The following PALLD variants were observed in gnomAD, a reference collection of about 807,000 sequenced individuals.
The protein encoded by PALLD is palladin, cytoskeletal associated protein, also known as palladin.
PALLD carries 61 observed loss-of-function variants against 123.5 expected under a neutral mutation model. The ratio of observed to expected loss-of-function variants is 0.49; its 90% CI spans 0.40 to 0.61. The LOEUF is 0.61. Ranked by LOEUF, PALLD falls within the 20% of genes least tolerant of loss-of-function variation. The pLI is 0.00. For synonymous variants in PALLD, 465 were observed against 496.4 expected, an observed-to-expected ratio of 0.94 and a Z score of 0.84; for missense variants, 1,273 against 1,377.0, an observed-to-expected ratio of 0.92 and a Z score of 1.20.
chr4:168,627,549 A>G (rs1447516145), intron 2 of PALLD, among the ~76,000 whole-genome samples: 1 of 152,148 alleles, frequency 6.6e-6, no homozygotes, highest in African/African-American at 2.4e-5. Context: ...GATAGACCAA[A>G]TACCTAAATA....
At chr4:168,587,960 A>G (rs1258022037) in intron 2 of PALLD, among the ~76,000 whole-genome samples, 2 of 152,092 alleles carry the variant, frequency 1.3e-5, no homozygotes, top group Admixed American at 1.3e-4. Flanking sequence ...GCGTGTCACA[A>G]GAAGGGAGTC....
At chr4:168,906,010 T>C (rs1757724125) in intron 15 of PALLD, among the ~76,000 whole-genome samples, 1 of 152,048 alleles carries the variant, frequency 6.6e-6, no homozygotes, top group Non-Finnish European at 1.5e-5. Flanking sequence ...TTTTCCTTAT[T>C]ATATTTTCAG....
At chr4:168,791,966 G>C (rs998598854) in intron 10 of PALLD, among the ~76,000 whole-genome samples, 5 of 152,184 alleles carry the variant, frequency 3.3e-5, no homozygotes, top group Middle Eastern at 3.4e-3. Flanking sequence ...TTTAAAGGAG[G>C]AACTATTCAA....
At chr4:168,778,357 C>CTTGTGG (rs1212580200) in intron 10 of PALLD, among the ~76,000 whole-genome samples, 1 of 152,118 alleles carries the variant, frequency 6.6e-6, no homozygotes, top group Non-Finnish European at 1.5e-5. Flanking sequence ...GTTAATAATA[C>CTTGTGG]TTGTGGTTTA....
intron 2 of PALLD, among the ~76,000 whole-genome samples, chr4:168,588,529 G>A (rs569118699): frequency 6.6e-5 from 10 of 152,062 alleles, no homozygotes; most frequent in African/African-American, 2.2e-4. Flanking sequence ...AGCCTCCTGA[G>A]TACCTGGGAT....
Position 168,924,253 on chromosome 4 carries a change from A to G in PALLD, c.3059-2A>G. 2 of 1,613,280 alleles carry G rather than the reference A, an allele frequency of 1.2e-6. No individual in the cohort carries two copies. Among genetic ancestry groups the G allele is most frequent in the Non-Finnish European group, 1.7e-6 (2 of 1,179,286 alleles). On this transcript the variant is annotated splice_acceptor_variant, in intron 18 of 21. Coordinates refer to ENST00000505667, the MANE Select transcript of PALLD (RefSeq NM_001166108.2). LOFTEE classifies it high-confidence loss of function. ...TAGAGAATTCATCTCATGTTTTCTT[A>G]GCTAAAGAAGCACACAAACCCCCTG...
chr4:168,832,468 C>T (rs1003111196), intron 10 of PALLD, among the ~76,000 whole-genome samples: 1 of 152,190 alleles, frequency 6.6e-6, no homozygotes, highest in African/African-American at 2.4e-5. Flanking sequence ...CGATCCCTCC[C>T]GCTCTCCTAA....
In PALLD at chr4:168,512,263, CA is replaced by C; in HGVS notation, c.761del (p.Asn254ThrfsTer24). The C allele has an allele frequency of 6.2e-7, 1 of 1,614,162 alleles. No individual in the cohort carries two copies. Among genetic ancestry groups the C allele is most frequent in the East Asian group, 2.2e-5 (1 of 44,868 alleles). On this transcript the variant is annotated frameshift_variant, in exon 2 of 22. Coordinates refer to ENST00000505667, the MANE Select transcript of PALLD (RefSeq NM_001166108.2). LOFTEE classifies it high-confidence loss of function. ...ACAACCAGGACTTGGCAGTGCCACA[CA>C]ACCGCAAGTCTCACCCACAGCCCCA... ...QDNQDLAVPH[N>X]RKSHPQPHSA...
At chr4:168,853,627 G>A (rs1581769830) in intron 10 of PALLD, among the ~76,000 whole-genome samples, 1 of 152,092 alleles carries the variant, frequency 6.6e-6, no homozygotes. Flanking sequence ...GCAGTCAGGA[G>A]GAATCGCACA....
In PALLD at chr4:168,507,394, T is replaced by C. The variant is rs1302254983; in HGVS notation, c.-82-4029T>C. On this transcript the variant is annotated intron_variant, in intron 1 of 21. Coordinates refer to ENST00000505667, the MANE Select transcript of PALLD (RefSeq NM_001166108.2). ...CAGAGTCCAAGAAGGACACATCTAA[T>C]CGCTGTCTAGGCCAAGTGCCAAGAC... The C allele has an allele frequency of 6.0e-5, 11 of 182,552 alleles. No individual in the cohort carries two copies. The East Asian group carries it at 9.7e-4, about 16-fold the overall frequency. The allele number at this position is 182,552 out of a possible 1,614,324, so 11.3% of individuals were successfully genotyped here. A position where few individuals can be genotyped will look rare whatever the true frequency, so the allele number is the denominator to read the frequency against.
chr4:168,500,280 C>A (rs1231312287), intron 1 of PALLD, among the ~76,000 whole-genome samples: 3 of 152,288 alleles, frequency 2.0e-5, no homozygotes, highest in African/African-American at 4.8e-5. Context: ...CCAAGTTCCT[C>A]CACGTCAAAG....
chr4:168,568,642 G>C (rs984235929), intron 2 of PALLD, among the ~76,000 whole-genome samples: 3 of 151,794 alleles, frequency 2.0e-5, no homozygotes, highest in Non-Finnish European at 4.4e-5. Flanking sequence ...TTTAGTGATG[G>C]GGTTTGTGTA....
chr4:168,891,607 TA>T (rs1754157320), intron 11 of PALLD, among the ~76,000 whole-genome samples: 2 of 147,574 alleles, frequency 1.4e-5, no homozygotes, highest in Admixed American at 1.4e-4. Flanking sequence ...GTGAAGAGAG[TA>T]AGTGGGAAAG....
At chr4:168,506,365 A>T (rs1762001168) in intron 1 of PALLD, among the ~76,000 whole-genome samples, 1 of 125,640 alleles carries the variant, frequency 8.0e-6, no homozygotes, top group South Asian at 2.5e-4. Flanking sequence ...AGAGAATCTC[A>T]TGTTTCTCTC....
intron 2 of PALLD, among the ~76,000 whole-genome samples, chr4:168,619,122 G>A (rs1228829178): frequency 6.6e-6 from 1 of 152,176 alleles, no homozygotes; most frequent in Non-Finnish European, 1.5e-5. Context: ...TGCTCACGGA[G>A]GTCACCTTTC....
chr4:168,726,637 C>A (rs941762648), intron 10 of PALLD, among the ~76,000 whole-genome samples: 2 of 152,098 alleles, frequency 1.3e-5, no homozygotes, highest in Non-Finnish European at 2.9e-5. Context: ...CTAGCCTTAG[C>A]CTTCCAAAGT....
chr4:168,589,229 A>C (rs556542748), intron 2 of PALLD, among the ~76,000 whole-genome samples: 42 of 152,302 alleles, frequency 2.8e-4, no homozygotes, highest in African/African-American at 5.3e-4. Flanking sequence ...TCCACGTCTG[A>C]TCTAATGAGA....
At position 168,672,551 on chromosome 4, in the gene PALLD, C is replaced by T. The variant is rs1306959714; in HGVS notation, c.1087+4183C>T. 5.3e-5 allele frequency among the ~76,000 whole-genome samples: 8 copies of T among 152,130 alleles called. No homozygotes were observed. In the East Asian group the frequency reaches 7.8e-4, roughly 15 times the overall value. On this transcript the variant is annotated intron_variant, in intron 3 of 21. Coordinates refer to ENST00000505667, the MANE Select transcript of PALLD (RefSeq NM_001166108.2). The stretch of plus-strand genomic sequence containing the variant: ...TTGGCTCACTGCAAGCTCTGCCTTC[C>T]GGGTTCACGCCATTCTCCTGCCTCA...
chr4:168,805,866 A>G (rs1332667423), intron 10 of PALLD, among the ~76,000 whole-genome samples: 2 of 152,196 alleles, frequency 1.3e-5, no homozygotes, highest in South Asian at 2.1e-4. Context: ...CTGACCTAGT[A>G]TCTAGCACAA....
Sources: allele counts gnomAD v4.1 joint callset (sites outside exome capture counted in the v4.1 genomes callset), GRCh38; gene constraint gnomAD v4.1.1; transcripts MANE v1.5; gene names NCBI Gene and HGNC (gene_info 2026-07-23, HGNC 2026-07-21).